Variants in PCDH15 observed in about 807,000 individuals in gnomAD.
PCDH15 encodes protocadherin related 15, also known as protocadherin-15.
PCDH15 carries 129 observed loss-of-function variants against 178.5 expected under a neutral mutation model. That is an observed-to-expected ratio of 0.72 (90% CI 0.63 to 0.84). PCDH15 has a LOEUF of 0.84. Among genes scored for constraint, PCDH15 ranks in the 40% least tolerant of loss-of-function variants. The pLI is 0.00. For missense variants in PCDH15, 2,230 were observed against 2,099.9 expected (o/e 1.06, Z -1.21); for synonymous variants, 800 against 732.0 (o/e 1.09, Z -1.50).
intron 32 of PCDH15, among the ~76,000 whole-genome samples, chr10:53,825,734 A>C (rs916141467): frequency 6.6e-6 from 1 of 151,480 alleles, no homozygotes; most frequent in African/African-American, 2.4e-5. Context: ...CTAGTAACTT[A>C]ATGCTTAGAA....
chr10:54,770,764 G>A (rs905004654), intron 1 of PCDH15, among the ~76,000 whole-genome samples: 3 of 151,940 alleles, frequency 2.0e-5, no homozygotes, highest in African/African-American at 7.3e-5. Flanking sequence ...GAAATTAAAT[G>A]AAGTTACTTA....
chr10:54,400,085 C>A (rs1008568858), intron 3 of PCDH15, among the ~76,000 whole-genome samples: 4 of 152,000 alleles, frequency 2.6e-5, no homozygotes, highest in African/African-American at 9.7e-5. Context: ...GGGATGCCTA[C>A]AAAAGGATAT....
intron 3 of PCDH15, 37 bp from the exon 4 acceptor site, chr10:54,378,979 A>G (rs1948840540): frequency 6.2e-7 from 1 of 1,609,100 alleles, no homozygotes; most frequent in African/African-American, 1.3e-5. Context: ...AACATATTCT[A>G]CTCATATGAA....
chr10:55,552,813 A>G (rs1225586870), intron 2 of PCDH15, among the ~76,000 whole-genome samples: 2 of 151,606 alleles, frequency 1.3e-5, no homozygotes, highest in Non-Finnish European at 1.5e-5. Context: ...AGAAAAAGTA[A>G]GCAAATCATT....
At chr10:55,410,375 G>A (rs1001607330) in intron 2 of PCDH15, among the ~76,000 whole-genome samples, 2 of 152,080 alleles carry the variant, frequency 1.3e-5, no homozygotes, top group African/African-American at 4.8e-5. Context: ...GACAGGTTTA[G>A]AAGCTGGAAG....
chr10:55,242,586 C>G (rs912683370), intron 1 of PCDH15, among the ~76,000 whole-genome samples: 2 of 151,986 alleles, frequency 1.3e-5, no homozygotes, highest in African/African-American at 4.8e-5. Context: ...TGTCTATAAT[C>G]CTATTACAGC....
chr10:55,023,483 A>G (rs529937796), intron 2 of PCDH15, among the ~76,000 whole-genome samples: 47 of 152,306 alleles, frequency 3.1e-4, no homozygotes, highest in African/African-American at 1.1e-3. Flanking sequence ...TAATTACAAT[A>G]AAATAAGCAT....
chr10:54,905,858 G>A (rs1954710761), intron 2 of PCDH15, among the ~76,000 whole-genome samples: 1 of 152,024 alleles, frequency 6.6e-6, no homozygotes, highest in Admixed American at 6.6e-5. Context: ...TTTTCAATAG[G>A]ATAAGCCACT....
chr10:54,426,363 T>C (rs927917213), intron 3 of PCDH15, among the ~76,000 whole-genome samples: 1 of 152,134 alleles, frequency 6.6e-6, no homozygotes, highest in African/African-American at 2.4e-5. Flanking sequence ...TACACTCTCA[T>C]AAGGAGCGTG....
intron 26 of PCDH15, among the ~76,000 whole-genome samples, chr10:53,869,027 C>G (rs1250038593): frequency 5.3e-5 from 8 of 152,024 alleles, no homozygotes; most frequent in Non-Finnish European, 1.0e-4. Context: ...GGGCTGGTCT[C>G]GAACTCCTTG....
chr10:54,491,122 G>A (rs1589687249), intron 3 of PCDH15, among the ~76,000 whole-genome samples: 1 of 152,242 alleles, frequency 6.6e-6, no homozygotes, highest in East Asian at 1.9e-4. Context: ...AATTAAGAGA[G>A]ATGTAGTAGA....
intron 2 of PCDH15, among the ~76,000 whole-genome samples, chr10:54,638,549 C>A (rs1444040701): frequency 2.0e-5 from 3 of 152,054 alleles, no homozygotes; most frequent in Non-Finnish European, 4.4e-5. Context: ...TAAAAAGTAG[C>A]TAATGAATTT....
At chr10:55,101,983 C>T (rs79014862) in intron 2 of PCDH15, among the ~76,000 whole-genome samples, 6,162 of 151,686 alleles carry the variant, frequency 0.041, 299 homozygotes, top group East Asian at 0.14. Context: ...AAATCCACTG[C>T]GATGAAAAGT....
chr10:54,020,495 A>G (rs1324106466), intron 19 of PCDH15, 79 bp from the exon 20 acceptor site: 1 of 1,328,414 alleles, frequency 7.5e-7, no homozygotes, highest in Non-Finnish European at 1.1e-6. Context: ...GTCATGCGTT[A>G]GTGCCTAGGA....
chr10:54,243,295 G>A (rs1353898367), intron 8 of PCDH15, among the ~76,000 whole-genome samples: 4 of 152,132 alleles, frequency 2.6e-5, no homozygotes, highest in African/African-American at 4.8e-5. Context: ...AGATCACGAG[G>A]TCAGGGATCG....
At chr10:54,558,868 C>T (rs534168112) in intron 2 of PCDH15, among the ~76,000 whole-genome samples, 8 of 152,136 alleles carry the variant, frequency 5.3e-5, no homozygotes, top group African/African-American at 1.4e-4. Context: ...AGTTGATATA[C>T]TATTTTGTAT....
intron 18 of PCDH15, among the ~76,000 whole-genome samples, chr10:54,031,136 T>A (rs1177675122): frequency 6.6e-6 from 1 of 152,012 alleles, no homozygotes; most frequent in Non-Finnish European, 1.5e-5. Flanking sequence ...GAAATTCCAT[T>A]CCCTCACACA....
chr10:55,035,839 G>A (rs1178945065), intron 2 of PCDH15, among the ~76,000 whole-genome samples: 1 of 147,006 alleles, frequency 6.8e-6, no homozygotes, highest in Non-Finnish European at 1.5e-5. Context: ...GCCATAGGGG[G>A]TAGCCAGAGT....
chr10:55,365,693 C>G (rs955046985), intron 2 of PCDH15, among the ~76,000 whole-genome samples: 15 of 152,060 alleles, frequency 9.9e-5, no homozygotes, highest in African/African-American at 3.6e-4. Context: ...CCTGCACAAG[C>G]TCTCTTCTCT....
Sources: allele counts gnomAD v4.1 joint callset (sites outside exome capture counted in the v4.1 genomes callset), GRCh38; gene constraint gnomAD v4.1.1; transcripts MANE v1.5; gene names NCBI Gene and HGNC (gene_info 2026-07-23, HGNC 2026-07-21).